DPYSL5: variants seen among roughly 807,000 people sequenced by gnomAD.
DPYSL5 encodes dihydropyrimidinase like 5.
In DPYSL5, 9 loss-of-function variants were observed where a neutral mutation model predicts 58.4. The observed-to-expected ratio is 0.15, with a 90% CI of 0.09 to 0.27. DPYSL5 has a LOEUF of 0.27. Ranked by LOEUF, DPYSL5 falls within the 10% of genes least tolerant of loss-of-function variation. The pLI is 1.00. For missense variants in DPYSL5, 499 were observed against 770.6 expected, an observed-to-expected ratio of 0.65 and a Z score of 4.17; for synonymous variants, 293 against 301.9, an observed-to-expected ratio of 0.97 and a Z score of 0.31.
chr2:26,859,148 A>C (rs1270641237), intron 1 of DPYSL5, among the ~76,000 whole-genome samples: 1 of 152,128 alleles, frequency 6.6e-6, no homozygotes, highest in Non-Finnish European at 1.5e-5. Context: ...AATGTACTAG[A>C]TTCCATTTTT....
chr2:26,940,815 C>T (rs1665298127), intron 9 of DPYSL5, among the ~76,000 whole-genome samples: 1 of 151,890 alleles, frequency 6.6e-6, no homozygotes, highest in East Asian at 1.9e-4. Flanking sequence ...TTTATTTAAT[C>T]CTTCCCTGAT....
chr2:26,886,414 T>C (rs1008156996), intron 1 of DPYSL5, among the ~76,000 whole-genome samples: 1 of 152,152 alleles, frequency 6.6e-6, no homozygotes, highest in East Asian at 1.9e-4. Flanking sequence ...TTTATTTCTG[T>C]CTAAATAAAT....
At chr2:26,896,257 G>A (rs1354518525) in intron 1 of DPYSL5, among the ~76,000 whole-genome samples, 1 of 152,096 alleles carries the variant, frequency 6.6e-6, no homozygotes, top group Non-Finnish European at 1.5e-5. Context: ...TCTATTGTGT[G>A]TATATACATC....
intron 2 of DPYSL5, among the ~76,000 whole-genome samples, chr2:26,922,894 C>G (rs757823230): frequency 7.2e-5 from 11 of 152,204 alleles, no homozygotes; most frequent in Non-Finnish European, 1.3e-4. Context: ...GAACTACCAC[C>G]CTCTGTTGGT....
rs1456504605 is a variant in DPYSL5, at chr2:26,944,056, C to G, written c.1441-600C>G. Among the ~76,000 whole-genome samples the G allele has an allele frequency of 6.6e-6, 1 of 152,120 alleles. No individual in the cohort carries two copies. Among genetic ancestry groups the G allele is most frequent in the Non-Finnish European group, 1.5e-5 (1 of 68,020 alleles). On this transcript the variant is annotated intron_variant, in intron 11 of 12. Coordinates refer to ENST00000288699, the MANE Select transcript of DPYSL5 (RefSeq NM_020134.4). This position sits in a 1 kb window ranked among gnomAD's most constrained non-coding sequence, Gnocchi z 4.4. The stretch of plus-strand genomic sequence containing the variant: ...CCTGTAATCCCGGAACTTTGGGAGG[C>G]CGAGGCGGGTGGATCACGAGGTCAG...
intron 1 of DPYSL5, among the ~76,000 whole-genome samples, chr2:26,892,251 G>A (rs956447401): frequency 6.6e-6 from 1 of 152,176 alleles, no homozygotes; most frequent in African/African-American, 2.4e-5. Context: ...CTTTGTGGAG[G>A]TTGCTGTGTG....
At position 26,921,497 on chromosome 2, in the gene DPYSL5, ATTTCTACAAGGCTGT is replaced by A. The variant is rs569352158; in HGVS notation, c.262-3386_262-3372del. Among the ~76,000 whole-genome samples the A allele has an allele frequency of 2.0e-5, 3 of 151,892 alleles. No individual in the cohort carries two copies. In the East Asian group the frequency reaches 5.8e-4, roughly 29 times the overall value. On this transcript the variant is annotated intron_variant, in intron 2 of 12. Coordinates refer to ENST00000288699, the MANE Select transcript of DPYSL5 (RefSeq NM_020134.4). ...ACAATTGGGCTGTGCCTTGCTGCCG[ATTTCTACAAGGCTGT>A]TTTGTGGGGGATGACACTAAAAAGG... is the stretch of plus-strand genomic sequence containing the variant.
intron 1 of DPYSL5, among the ~76,000 whole-genome samples, chr2:26,882,111 A>AAAAAAGAAAG (rs1308139468): frequency 2.7e-4 from 41 of 149,126 alleles, no homozygotes; most frequent in South Asian, 6.4e-4. Context: ...AAAAAAAAAA[A>AAAAAAGAAAG]AGAAAGAAAG....
At position 26,932,135 on chromosome 2, in the gene DPYSL5, A is replaced by G. The variant is rs558206536; in HGVS notation, c.714+451A>G. On this transcript the variant is annotated intron_variant, in intron 6 of 12. Transcript: ENST00000288699. ...AAGAAAAAAGAAAGAGAAAGAAAGA[A>G]AGAGAAAGAAAGAAAGAAAGAAAGA... Among the ~76,000 whole-genome samples the G allele has an allele frequency of 6.4e-4, 71 of 111,680 alleles. 3 individuals carry two copies. The highest frequency in any genetic ancestry group is 2.4e-3 in the African/African-American group (64 of 26,184). 73.3% of individuals were successfully genotyped at this position (111,680 alleles called of 152,430 possible).
At position 26,927,170 on chromosome 2, in the gene DPYSL5, TC is replaced by T; in HGVS notation, c.421-78del. ...ACTGAGCTGGGGCAGGCCCCACATCTCCCCCATGCTGGGCCGGTGCCTGCCA... is the reference window on the plus strand; with the variant it reads ...ACTGAGCTGGGGCAGGCCCCACATCTCCCCATGCTGGGCCGGTGCCTGCCA... On this transcript the variant is annotated intron_variant, in intron 3 of 12. Coordinates refer to ENST00000288699, the MANE Select transcript of DPYSL5 (RefSeq NM_020134.4). The surrounding 1 kb of genome is among the most constrained non-coding windows in gnomAD (Gnocchi z 4.3). 2 of 1,413,004 alleles carry T rather than the reference TC, an allele frequency of 1.4e-6. No individual in the cohort carries two copies. Among genetic ancestry groups the T allele is most frequent in the South Asian group, 1.4e-5 (1 of 72,834 alleles). 87.5% of individuals were successfully genotyped at this position (1,413,004 alleles called of 1,614,324 possible). A position where few individuals can be genotyped will look rare whatever the true frequency, so the allele number is the denominator to read the frequency against.
At chr2:26,895,775 C>CTTTTTTTTT (rs869030530) in intron 1 of DPYSL5, among the ~76,000 whole-genome samples, 10 of 101,088 alleles carry the variant, frequency 9.9e-5, no homozygotes, top group African/African-American at 1.6e-4. Context: ...ATTTCTTTTT[C>CTTTTTTTTT]TTTTTTTTTT....
At chr2:26,857,996 C>T (rs186944619) in intron 1 of DPYSL5, among the ~76,000 whole-genome samples, 6 of 152,218 alleles carry the variant, frequency 3.9e-5, no homozygotes, top group African/African-American at 1.4e-4. Context: ...TAATGAAACA[C>T]GAGCAGCCAG....
rs750430692 is a variant in DPYSL5 at position 26,940,136 on chromosome 2, G to T, written c.1053G>T (p.Val351=). Residue 351 remains valine, a synonymous_variant, in exon 9 of 13, where the codon GTG becomes GTT. Coordinates refer to ENST00000288699, the MANE Select transcript of DPYSL5 (RefSeq NM_020134.4). ...FTKIPHGVSG[V]QDRMSVIWER... is the part of the protein sequence containing the mutation. ...AGATCCCACATGGAGTGAGTGGCGTGCAGGACCGCATGAGCGTCATCTGGG... is the reference window on the plus strand; with the variant it reads ...AGATCCCACATGGAGTGAGTGGCGTTCAGGACCGCATGAGCGTCATCTGGG... 32 of 1,614,088 alleles carry T rather than the reference G, an allele frequency of 2.0e-5. No individual in the cohort carries two copies. The highest frequency in any genetic ancestry group is 2.5e-5 in the Non-Finnish European group (29 of 1,180,056).
chr2:26,858,240 C>T (rs1665927452), intron 1 of DPYSL5, among the ~76,000 whole-genome samples: 2 of 121,852 alleles, frequency 1.6e-5, no homozygotes, highest in Non-Finnish European at 3.6e-5. Context: ...GGCGCGATCT[C>T]GGCTCACTGC....
At chr2:26,882,076 G>A (rs529990113) in intron 1 of DPYSL5, among the ~76,000 whole-genome samples, 14 of 129,278 alleles carry the variant, frequency 1.1e-4, no homozygotes, top group African/African-American at 3.1e-4. Flanking sequence ...GGGTGATAGA[G>A]CGAGACTCCA....
chr2:26,935,533 CA>C (rs1665148408), intron 8 of DPYSL5, among the ~76,000 whole-genome samples: 1 of 151,660 alleles, frequency 6.6e-6, no homozygotes, highest in Non-Finnish European at 1.5e-5. Context: ...ACTGAAAATA[CA>C]AAAAATTAGC....
rs897404779 is a variant in DPYSL5 at position 26,921,241 on chromosome 2, C to T, written c.262-3646C>T. 3.9e-5 allele frequency among the ~76,000 whole-genome samples: 6 copies of T among 152,198 alleles called. No homozygotes were observed. In the South Asian group the frequency reaches 6.2e-4, roughly 16 times the overall value. ...TAGCTCGGCCTGGCGTGGTGGCTCA[C>T]GCCTGTAATCCCAGCACTTTGGGAG... On this transcript the variant is annotated intron_variant, in intron 2 of 12. Coordinates refer to ENST00000288699, the MANE Select transcript of DPYSL5 (RefSeq NM_020134.4).
Position 26,924,704 on chromosome 2 carries a change from G to A in DPYSL5, c.262-183G>A, listed in dbSNP as rs114969893. Among the ~76,000 whole-genome samples, 404 of 152,230 alleles carry A rather than the reference G, an allele frequency of 2.7e-3. 2 individuals carry two copies. The highest frequency in any genetic ancestry group is 0.021 in the East Asian group (106 of 5,158). On this transcript the variant is annotated intron_variant, in intron 2 of 12. Transcript: ENST00000288699. The surrounding 1 kb of genome is among the most constrained non-coding windows in gnomAD (Gnocchi z 4.7). ...GGGACCCGTGGTCATGATGAAGGTCGCGCTGGCTCTCGCACCTCCACATGG... is the reference window on the plus strand; with the variant it reads ...GGGACCCGTGGTCATGATGAAGGTCACGCTGGCTCTCGCACCTCCACATGG...
intron 8 of DPYSL5, among the ~76,000 whole-genome samples, chr2:26,937,860 A>C (rs1665221170): frequency 6.6e-6 from 1 of 151,796 alleles, no homozygotes. Flanking sequence ...GCCACCCTGC[A>C]CCACCGTGCC....
Sources: gnomAD v4.1 joint callset for allele counts (sites outside exome capture counted in the v4.1 genomes callset) on GRCh38, gnomAD v4.1.1 for gene constraint, Gnocchi (gnomAD v3.1) non-coding constraint, MANE v1.5 for transcripts, NCBI Gene and HGNC (gene_info 2026-07-23, HGNC 2026-07-21) for gene names.